Variants in EYS observed in about 807,000 individuals in gnomAD.
EYS encodes the protein EGF-like photoreceptor maintenance factor, also known as protein eyes shut homolog.
In EYS, 250 loss-of-function variants were observed where a neutral mutation model predicts 282.1. That is an observed-to-expected ratio of 0.89 (90% confidence interval 0.80 to 0.98). EYS has a LOEUF of 0.98. Ranked by LOEUF, EYS falls within the 50% of genes least tolerant of loss-of-function variation. EYS has a pLI of 0.00. For synonymous variants in EYS, 1,355 were observed against 1,282.9 expected, an observed-to-expected ratio of 1.06 and a Z score of -1.20; for missense variants, 4,016 against 3,709.0, an observed-to-expected ratio of 1.08 and a Z score of -2.15.
At chr6:65,658,055 T>A (rs1399996845) in intron 1 of EYS, among the ~76,000 whole-genome samples, 1 of 151,856 alleles carries the variant, frequency 6.6e-6, no homozygotes, top group Non-Finnish European at 1.5e-5. Flanking sequence ...GGCATAATGT[T>A]ATTGCACACT....
chr6:65,573,398 C>A (rs1234769764), intron 2 of EYS, among the ~76,000 whole-genome samples: 1 of 152,162 alleles, frequency 6.6e-6, no homozygotes. Flanking sequence ...AGGAGACCAG[C>A]ATCTTTTGCC....
At chr6:65,339,010 A>C (rs1463079539) in intron 10 of EYS, among the ~76,000 whole-genome samples, 1 of 151,250 alleles carries the variant, frequency 6.6e-6, no homozygotes, top group African/African-American at 2.4e-5. Context: ...ATTAGTACAT[A>C]GGGTCACTTG....
At chr6:64,995,774 A>G (rs1771239037) in intron 14 of EYS, among the ~76,000 whole-genome samples, 1 of 147,862 alleles carries the variant, frequency 6.8e-6, no homozygotes. Context: ...AAGATTTTAA[A>G]CTATACTACA....
intron 12 of EYS, among the ~76,000 whole-genome samples, chr6:65,072,686 G>T (rs1458407076): frequency 6.6e-6 from 1 of 151,522 alleles, no homozygotes; most frequent in Non-Finnish European, 1.5e-5. Context: ...ATACCAATTA[G>T]AATACTCAGT....
intron 26 of EYS, among the ~76,000 whole-genome samples, chr6:64,520,563 G>A (rs922309054): frequency 7.9e-5 from 12 of 151,690 alleles, no homozygotes; most frequent in South Asian, 2.1e-4. Flanking sequence ...AAATATTAAT[G>A]AATTAATACT....
At chr6:65,191,339 C>T (rs963732678) in intron 12 of EYS, among the ~76,000 whole-genome samples, 3 of 151,652 alleles carry the variant, frequency 2.0e-5, no homozygotes, top group Non-Finnish European at 4.4e-5. Flanking sequence ...ATCATTTGAC[C>T]TAATGAATAT....
rs12526028 is a variant in EYS, at chr6:64,070,178, A to G, written c.6572-3687T>C. ...GTTTAGTTGCAGTGTGGAATCTAAA[A>G]GTGTATTAATGAACTTCACGTCCTT... On this transcript the variant is annotated intron_variant, in intron 32 of 42. Transcript: ENST00000503581. 6.0e-4 allele frequency among the ~76,000 whole-genome samples: 92 copies of G among 152,124 alleles called. 2 individuals are homozygous for G. The highest frequency in any genetic ancestry group is 3.3e-3 in the Admixed American group (50 of 15,242).
intron 1 of EYS, among the ~76,000 whole-genome samples, chr6:65,653,827 G>A (rs1767733344): frequency 6.6e-6 from 1 of 151,794 alleles, no homozygotes; most frequent in Non-Finnish European, 1.5e-5. Flanking sequence ...TAATGCATTG[G>A]CAAAGTCCAA....
chr6:64,651,868 G>A (rs540822242), intron 22 of EYS, among the ~76,000 whole-genome samples: 1 of 152,228 alleles, frequency 6.6e-6, no homozygotes, highest in Admixed American at 6.5e-5. Context: ...ATAATCTACA[G>A]TTACATAAAG....
At chr6:64,414,288 T>C (rs1349936790) in intron 28 of EYS, among the ~76,000 whole-genome samples, 1 of 152,164 alleles carries the variant, frequency 6.6e-6, no homozygotes, top group Admixed American at 6.6e-5. Context: ...TAGAAATCAA[T>C]GGAGCCATGC....
intron 13 of EYS, among the ~76,000 whole-genome samples, chr6:65,035,688 C>T (rs28868278): frequency 1.3e-3 from 197 of 151,700 alleles, no homozygotes; most frequent in African/African-American, 4.6e-3. Flanking sequence ...AAATGACACA[C>T]ACAAATGGAA....
chr6:65,183,234 C>T (rs1282791533), intron 12 of EYS, among the ~76,000 whole-genome samples: 2 of 151,854 alleles, frequency 1.3e-5, no homozygotes, highest in South Asian at 2.1e-4. Context: ...TAGCATAATG[C>T]CATATGTTCT....
chr6:64,249,728 A>G (rs1321610323), intron 30 of EYS, among the ~76,000 whole-genome samples: 5 of 152,198 alleles, frequency 3.3e-5, no homozygotes, highest in African/African-American at 1.2e-4. Flanking sequence ...GAATCACCTG[A>G]TAAGAGCTGT....
intron 19 of EYS, among the ~76,000 whole-genome samples, chr6:64,825,571 G>A (rs567615817): frequency 8.9e-4 from 135 of 151,966 alleles, no homozygotes; most frequent in Middle Eastern, 3.4e-3. Flanking sequence ...GAACAAAACA[G>A]TTCTTGAGAA....
At chr6:64,997,034 C>G (rs533192226) in intron 14 of EYS, among the ~76,000 whole-genome samples, 1 of 152,122 alleles carries the variant, frequency 6.6e-6, no homozygotes, top group East Asian at 1.9e-4. Context: ...GAGGGGATCC[C>G]AAATCAATTG....
At chr6:63,993,006 C>A (rs1262522171) in intron 34 of EYS, among the ~76,000 whole-genome samples, 2 of 151,726 alleles carry the variant, frequency 1.3e-5, no homozygotes, top group Non-Finnish European at 3.0e-5. Context: ...GTTCTTCCTG[C>A]GTTCATTCTC....
At chr6:65,128,722 T>C (rs1775786377) in intron 12 of EYS, among the ~76,000 whole-genome samples, 1 of 151,990 alleles carries the variant, frequency 6.6e-6, no homozygotes, top group African/African-American at 2.4e-5. Context: ...TCAATATTAC[T>C]AAGATGGCTG....
chr6:65,330,741 A>G, intron 11 of EYS: 3 of 955,028 alleles, frequency 3.1e-6, no homozygotes, highest in Non-Finnish European at 3.7e-6. Context: ...TAATTGAAAA[A>G]TTTCTCCATC....
chr6:65,609,359 T>G (rs1765914737), intron 2 of EYS, among the ~76,000 whole-genome samples: 1 of 151,350 alleles, frequency 6.6e-6, no homozygotes, highest in African/African-American at 2.4e-5. Flanking sequence ...AATCTAATAC[T>G]AACATTGTAA....
Sources: gnomAD v4.1 joint callset for allele counts (sites outside exome capture counted in the v4.1 genomes callset) on GRCh38, gnomAD v4.1.1 for gene constraint, MANE v1.5 for transcripts, NCBI Gene and HGNC (gene_info 2026-07-23, HGNC 2026-07-21) for gene names.